The following MEOX2 variants were observed in gnomAD, a reference collection of about 807,000 sequenced individuals.
MEOX2 encodes the protein mesenchyme homeobox 2.
MEOX2 carries 11 observed loss-of-function variants against 27.0 expected under a neutral mutation model. The ratio of observed to expected loss-of-function variants is 0.41; its 90% CI spans 0.26 to 0.68. The LOEUF (loss-of-function observed/expected upper bound fraction) is 0.68. MEOX2 is among the 30% of genes least tolerant of loss of function. The pLI, the probability that MEOX2 is intolerant of heterozygous loss-of-function variation, is 0.33. For synonymous variants in MEOX2, 189 were observed against 155.4 expected, an observed-to-expected ratio of 1.22 and a Z score of -1.61; for missense variants, 436 against 385.4, an observed-to-expected ratio of 1.13 and a Z score of -1.10.
intron 2 of MEOX2, among the ~76,000 whole-genome samples, chr7:15,623,962 A>G (rs1781257125): frequency 6.6e-6 from 1 of 152,232 alleles, no homozygotes; most frequent in Non-Finnish European, 1.5e-5. Flanking sequence ...CATGCTTTGC[A>G]TAGCAAAGGT....
In MEOX2 at chr7:15,619,371, A is replaced by G. The variant is rs572536086; in HGVS notation, c.691-6760T>C. Among the ~76,000 whole-genome samples the G allele has an allele frequency of 3.3e-5, 5 of 152,116 alleles. No individual in the cohort carries two copies. The South Asian group carries it at 1.0e-3, about 32-fold the overall frequency. ...ATGATGCTGTGATGTAATGTATGAT[A>G]TGTTCCCTAACATTATTGTTAATTT... is the stretch of plus-strand genomic sequence containing the variant. On this transcript the variant is annotated intron_variant, in intron 2 of 2. Transcript: ENST00000262041.
intron 1 of MEOX2, among the ~76,000 whole-genome samples, chr7:15,633,613 A>T (rs1375960950): frequency 6.6e-6 from 1 of 151,956 alleles, no homozygotes; most frequent in Non-Finnish European, 1.5e-5. Context: ...ATATTATGAA[A>T]GACAAGTCCA....
chr7:15,675,727 CTT>C (rs1562615900), intron 1 of MEOX2, among the ~76,000 whole-genome samples: 3 of 152,152 alleles, frequency 2.0e-5, no homozygotes, highest in African/African-American at 4.8e-5. Flanking sequence ...ATTAAGAAAA[CTT>C]TGACAAATCA....
intron 1 of MEOX2, among the ~76,000 whole-genome samples, chr7:15,639,195 TA>T (rs1424334987): frequency 6.6e-6 from 1 of 152,136 alleles, no homozygotes; most frequent in Non-Finnish European, 1.5e-5. Flanking sequence ...TGGTATCTCA[TA>T]GGGGTTTTTA....
chr7:15,619,586 G>A (rs1260921714), intron 2 of MEOX2, among the ~76,000 whole-genome samples: 2 of 151,424 alleles, frequency 1.3e-5, no homozygotes, highest in East Asian at 3.9e-4. Context: ...CATTTTATTT[G>A]TGTGTGTGTG....
At chr7:15,615,582 C>T (rs1781110478) in intron 2 of MEOX2, among the ~76,000 whole-genome samples, 1 of 152,032 alleles carries the variant, frequency 6.6e-6, no homozygotes, top group Non-Finnish European at 1.5e-5. Flanking sequence ...ATTACCTTTG[C>T]AAGCTTGACA....
intron 1 of MEOX2, among the ~76,000 whole-genome samples, chr7:15,632,516 T>C (rs1320683047): frequency 6.6e-6 from 1 of 151,834 alleles, no homozygotes; most frequent in Admixed American, 6.6e-5. Flanking sequence ...GAACTAAAAA[T>C]GGTGATGAAA....
chr7:15,621,640 T>C (rs1280514641), intron 2 of MEOX2, among the ~76,000 whole-genome samples: 4 of 152,212 alleles, frequency 2.6e-5, no homozygotes, highest in Admixed American at 2.0e-4. Flanking sequence ...TGAGTCATCA[T>C]AAAATTTGTG....
chr7:15,655,455 G>A lies in MEOX2; in HGVS notation c.518-28537C>T, dbSNP rs542367962. ...TTTATTTTGCTCTTTTTGTCTAGAC[G>A]AGAGATTAGACAATTGTTCTGAAAC... On this transcript the variant is annotated intron_variant, in intron 1 of 2. Transcript: ENST00000262041. Among the ~76,000 whole-genome samples the A allele has an allele frequency of 2.7e-3, 406 of 151,322 alleles. 1 individual carries two copies. The Middle Eastern group carries it at 0.027, about 10-fold the overall frequency.
chr7:15,624,168 A>G (rs1781261669), intron 2 of MEOX2, among the ~76,000 whole-genome samples: 1 of 152,212 alleles, frequency 6.6e-6, no homozygotes, highest in Non-Finnish European at 1.5e-5. Context: ...TTTTTTCATA[A>G]CAATTAAATT....
intron 2 of MEOX2, among the ~76,000 whole-genome samples, chr7:15,614,666 A>G (rs1030702978): frequency 2.0e-5 from 3 of 152,070 alleles, no homozygotes; most frequent in Non-Finnish European, 4.4e-5. Flanking sequence ...ATTTTTCTAT[A>G]GTTTTGATAA....
At position 15,637,532 on chromosome 7, in the gene MEOX2, G is replaced by GCACACACA. The variant is rs1228244394; in HGVS notation, c.518-10622_518-10615dup. ...TTTTCCAATACACACACACACACAC[G>GCACACACA]CACACACACACGCACACACACACAT... On this transcript the variant is annotated intron_variant, in intron 1 of 2. Coordinates refer to ENST00000262041, the MANE Select transcript of MEOX2 (RefSeq NM_005924.5). 2.7e-5 allele frequency among the ~76,000 whole-genome samples: 4 copies of GCACACACA among 150,114 alleles called. No homozygotes were observed. The East Asian group carries it at 7.9e-4, about 30-fold the overall frequency.
chr7:15,622,021 G>A (rs1168174984), intron 2 of MEOX2, among the ~76,000 whole-genome samples: 3 of 152,130 alleles, frequency 2.0e-5, no homozygotes, highest in Non-Finnish European at 4.4e-5. Context: ...GAGAGACTGA[G>A]GAAGAGAATT....
At chr7:15,624,261 T>C (rs1224370242) in intron 2 of MEOX2, among the ~76,000 whole-genome samples, 1 of 152,212 alleles carries the variant, frequency 6.6e-6, no homozygotes, top group African/African-American at 2.4e-5. Context: ...TCTTTTCACA[T>C]TAACTTGCAA....
At chr7:15,654,136 A>G (rs1342513647) in intron 1 of MEOX2, among the ~76,000 whole-genome samples, 11 of 151,948 alleles carry the variant, frequency 7.2e-5, no homozygotes, top group Admixed American at 7.2e-4. Flanking sequence ...TGTTAGATTT[A>G]TACCTAAGAT....
At chr7:15,660,816 G>A (rs570398775) in intron 1 of MEOX2, among the ~76,000 whole-genome samples, 112 of 152,056 alleles carry the variant, frequency 7.4e-4, no homozygotes, top group African/African-American at 2.4e-3. Context: ...GAGGTCAGGA[G>A]TTCAAGACCA....
Position 15,645,801 on chromosome 7 carries a change from A to T in MEOX2, c.518-18883T>A, listed in dbSNP as rs1781637310. On this transcript the variant is annotated intron_variant, in intron 1 of 2. Transcript: ENST00000262041. Reference sequence around the variant, plus strand: ...GGCTTACCAATAGTAAACAGAAGGGAAATGATCACGGAAATATATATATAC... The same window carrying T: ...GGCTTACCAATAGTAAACAGAAGGGTAATGATCACGGAAATATATATATAC... Among the ~76,000 whole-genome samples, 10 of 152,170 alleles carry T rather than the reference A, an allele frequency of 6.6e-5. 1 individual carries two copies. The highest frequency in any genetic ancestry group is 6.5e-4 in the Admixed American group (10 of 15,280).
chr7:15,633,591 A>G, intron 1 of MEOX2, among the ~76,000 whole-genome samples: 1 of 151,920 alleles, frequency 6.6e-6, no homozygotes, highest in Non-Finnish European at 1.5e-5. Context: ...ACTTCCATGG[A>G]GTTTTTTATT....
intron 2 of MEOX2, among the ~76,000 whole-genome samples, chr7:15,619,925 A>G (rs1334005936): frequency 3.3e-5 from 5 of 152,062 alleles, no homozygotes; most frequent in Non-Finnish European, 7.4e-5. Flanking sequence ...CATTGTTTGC[A>G]CCGAATAGAT....
Sources: allele counts gnomAD v4.1 joint callset (sites outside exome capture counted in the v4.1 genomes callset), GRCh38; gene constraint gnomAD v4.1.1; transcripts MANE v1.5; gene names NCBI Gene and HGNC (gene_info 2026-07-23, HGNC 2026-07-21).